ELFN2: variants seen among roughly 807,000 people sequenced by gnomAD.
ELFN2 encodes the protein extracellular leucine rich repeat and fibronectin type III domain containing 2.
ELFN2 carries 17 observed loss-of-function variants against 45.5 expected under a neutral mutation model. The ratio of observed to expected loss-of-function variants is 0.37; its 90% CI spans 0.26 to 0.56. ELFN2 has a LOEUF of 0.56. Among genes scored for constraint, ELFN2 ranks in the 20% least tolerant of loss-of-function variants. The probability of loss-of-function intolerance (pLI) is 0.77; values close to 1 mark genes in which losing one functional copy is unlikely to be tolerated. For synonymous variants in ELFN2, 550 were observed against 551.5 expected (o/e 1.00, Z 0.04); for missense variants, 922 against 1,183.2 (o/e 0.78, Z 3.24).
intron 1 of ELFN2, among the ~76,000 whole-genome samples, chr22:37,350,249 C>T (rs1297588145): frequency 1.4e-5 from 2 of 141,822 alleles, no homozygotes; most frequent in East Asian, 4.0e-4. Flanking sequence ...GGCCAGGTAG[C>T]AGCATAAATG....
At chr22:37,377,259 C>G (rs1225658404) in intron 2 of ELFN2, among the ~76,000 whole-genome samples, 1 of 152,216 alleles carries the variant, frequency 6.6e-6, no homozygotes, top group East Asian at 1.9e-4. Context: ...GCAAGCTGGA[C>G]ACAGCCCCTT....
intron 1 of ELFN2, among the ~76,000 whole-genome samples, chr22:37,426,477 C>G (rs528875509): frequency 6.6e-6 from 1 of 152,146 alleles, no homozygotes; most frequent in East Asian, 1.9e-4. Context: ...GGGTCCACCC[C>G]ATGTCCACAC....
rs142158248 is a variant in ELFN2, at chr22:37,375,836, C to CCCTCCTCCTCCTCCTCCT, written c.-320_-303dup. The CCCTCCTCCTCCTCCTCCT allele has an allele frequency of 1.2e-5, 4 of 345,782 alleles. No homozygotes were observed. The highest frequency in any genetic ancestry group is 9.1e-5 in the African/African-American group (4 of 44,152). The allele number at this position is 345,782 out of a possible 1,614,324, so 21.4% of individuals were successfully genotyped here. A position where few individuals can be genotyped will look rare whatever the true frequency, so the allele number is the denominator to read the frequency against. On this transcript the variant is annotated 5_prime_UTR_variant, in exon 3 of 3. Coordinates refer to ENST00000402918, the MANE Select transcript of ELFN2 (RefSeq NM_052906.5). Reference sequence around the variant, plus strand: ...GGGTTCTCAGGGCTTGACTTCCTCTCCCTCCTCCTCCTCCTCCTCCTCCTC... The same window carrying CCCTCCTCCTCCTCCTCCT: ...GGGTTCTCAGGGCTTGACTTCCTCTCCCTCCTCCTCCTCCTCCTCCTCCTCCTCCTCCTCCTCCTCCTC...
In ELFN2 at chr22:37,371,533, C is replaced by T. The variant is rs990447226; in HGVS notation, c.*1539G>A. ...CCGGCCCATCAGCATCCTGACTGGT[C>T]AAGACCCCAGTCTCAGGACCGCAGA... is the stretch of plus-strand genomic sequence containing the variant. On this transcript the variant is annotated 3_prime_UTR_variant, in exon 3 of 3. Coordinates refer to ENST00000402918, the MANE Select transcript of ELFN2 (RefSeq NM_052906.5). The surrounding 1 kb of genome is among the most constrained non-coding windows in gnomAD (Gnocchi z 6.4). 1.3e-5 allele frequency: 2 copies of T among 152,316 alleles called. No individual in the cohort carries two copies. The highest frequency in any genetic ancestry group is 4.8e-5 in the African/African-American group (2 of 41,446). 9.4% of individuals were successfully genotyped at this position (152,316 alleles called of 1,614,324 possible). A position where few individuals can be genotyped will look rare whatever the true frequency, so the allele number is the denominator to read the frequency against.
intron 1 of ELFN2, among the ~76,000 whole-genome samples, chr22:37,347,222 G>A (rs1367239448): frequency 5.3e-5 from 8 of 151,944 alleles, no homozygotes; most frequent in Admixed American, 1.3e-4. Context: ...CAGGTGATCC[G>A]CCCGCCTCGG....
In ELFN2 at chr22:37,375,153, G is replaced by C. The variant is rs1201984546; in HGVS notation, c.382C>G (p.Arg128Gly). Reference protein sequence around the residue: ...LTEGMLRGMSRLQFLFVQHNL... With the variant: ...LTEGMLRGMSGLQFLFVQHNL... ...TGCTGGACAAAGAGGAACTGCAGGC[G>C]GCTCATGCCTCGCAGCATGCCCTCC... The change falls in exon 3 of 3, where the codon CGC (arginine) becomes GGC (glycine). Residue 128 changes from arginine (R) to glycine (G), a missense_variant. Arg to Gly is a moderately radical substitution (Grantham distance 125, BLOSUM62 -2). Around this residue, in one of 2 missense-constraint regions of ELFN2, gnomAD observed 358 missense variants for 540.4 expected, o/e 0.66. Coordinates refer to ENST00000402918, the MANE Select transcript of ELFN2 (RefSeq NM_052906.5). 6.2e-7 allele frequency: 1 copy of C among 1,613,950 alleles called. No homozygotes were observed. The highest frequency in any genetic ancestry group is 8.5e-7 in the Non-Finnish European group (1 of 1,180,016).
At chr22:37,360,482 GAC>G (rs1931058040) in intron 1 of ELFN2, among the ~76,000 whole-genome samples, 1 of 152,230 alleles carries the variant, frequency 6.6e-6, no homozygotes, top group African/African-American at 2.4e-5. Context: ...GCACAGTGCG[GAC>G]ACACAGTGGG....
chr22:37,399,136 C>G (rs1259235268), intron 2 of ELFN2, among the ~76,000 whole-genome samples: 1 of 152,152 alleles, frequency 6.6e-6, no homozygotes, highest in African/African-American at 2.4e-5. Flanking sequence ...TTACCCCTCT[C>G]TGAACTCGGA....
intron 1 of ELFN2, among the ~76,000 whole-genome samples, chr22:37,349,215 G>A (rs1251848277): frequency 6.6e-6 from 1 of 151,284 alleles, no homozygotes; most frequent in African/African-American, 2.4e-5. Flanking sequence ...CTTAGCTGTC[G>A]TGCAGTCCGG....
chr22:37,411,718 C>T (rs1932653979), intron 2 of ELFN2, among the ~76,000 whole-genome samples: 1 of 152,320 alleles, frequency 6.6e-6, no homozygotes, highest in South Asian at 2.1e-4. Flanking sequence ...TCAGTAGCTT[C>T]TAGCTTCTCA....
chr22:37,350,860 G>A (rs985128818), intron 1 of ELFN2, among the ~76,000 whole-genome samples: 4 of 149,890 alleles, frequency 2.7e-5, no homozygotes, highest in African/African-American at 9.7e-5. Context: ...ATCAGCCTCG[G>A]AGGGGCCCTC....
intron 2 of ELFN2, among the ~76,000 whole-genome samples, chr22:37,398,096 C>A (rs1290835753): frequency 6.6e-6 from 1 of 152,142 alleles, no homozygotes; most frequent in Non-Finnish European, 1.5e-5. Flanking sequence ...CACAGTGACT[C>A]TGGGAGGCTG....
chr22:37,349,017 T>C (rs911832237), intron 1 of ELFN2, among the ~76,000 whole-genome samples: 2 of 151,108 alleles, frequency 1.3e-5, no homozygotes, highest in African/African-American at 2.4e-5. Flanking sequence ...TGGGCGCTTT[T>C]CATGTCAGCA....
At chr22:37,392,988 T>C (rs1022696779) in intron 2 of ELFN2, among the ~76,000 whole-genome samples, 1 of 152,230 alleles carries the variant, frequency 6.6e-6, no homozygotes, top group African/African-American at 2.4e-5. Context: ...GCTGCCTGCA[T>C]TAAAGACACT....
chr22:37,416,647 G>A (rs1302914835), intron 2 of ELFN2, among the ~76,000 whole-genome samples: 3 of 152,046 alleles, frequency 2.0e-5, no homozygotes, highest in Non-Finnish European at 2.9e-5. Flanking sequence ...CAGGGTCTCC[G>A]GTCTGTCCAC....
At chr22:37,390,326 A>G (rs1932058456) in intron 2 of ELFN2, among the ~76,000 whole-genome samples, 1 of 152,232 alleles carries the variant, frequency 6.6e-6, no homozygotes, top group Non-Finnish European at 1.5e-5. Flanking sequence ...TGGCTTGCCC[A>G]AGGCCACACA....
At chr22:37,422,577 T>C (rs1157491426) in intron 1 of ELFN2, among the ~76,000 whole-genome samples, 1 of 151,792 alleles carries the variant, frequency 6.6e-6, no homozygotes, top group African/African-American at 2.4e-5. Context: ...TGGTGGTGTG[T>C]GCCTGTAATC....
chr22:37,342,558 C>G (rs1006275876), intron 2 of ELFN2: 10 of 152,194 alleles, frequency 6.6e-5, no homozygotes, highest in African/African-American at 1.9e-4. Context: ...CTCCCAGGTC[C>G]CCCCCACTCC....
chr22:37,343,156 C>T lies in ELFN2; in HGVS notation n.149-453G>A, dbSNP rs185171311. 1.9e-3 allele frequency among the ~76,000 whole-genome samples: 283 copies of T among 152,262 alleles called. 2 individuals are homozygous for T. The highest frequency in any genetic ancestry group is 6.3e-3 in the African/African-American group (260 of 41,542). ...GACACACAGTGAGGCCACAGCAGGG[C>T]GGCGACTGGAAGGCAGAAACTCAAC... On this transcript the variant is annotated intron_variant and non_coding_transcript_variant, in intron 1 of 2. Coordinates refer to ENST00000452946, the Ensembl canonical transcript of ELFN2.
Sources: gnomAD v4.1 joint callset for allele counts (sites outside exome capture counted in the v4.1 genomes callset) on GRCh38, gnomAD v4.1.1 for gene constraint, gnomAD v4.1.1 regional missense constraint, Gnocchi (gnomAD v3.1) non-coding constraint, MANE v1.5 for transcripts, NCBI Gene and HGNC (gene_info 2026-07-23, HGNC 2026-07-21) for gene names.